CADPS2: variants seen among roughly 807,000 people sequenced by gnomAD.
The protein encoded by CADPS2 is calcium dependent secretion activator 2.
A neutral mutation model predicts 172.5 loss-of-function variants in CADPS2; 93 were observed. The ratio of observed to expected loss-of-function variants is 0.54; its 90% confidence interval spans 0.46 to 0.64. The LOEUF (loss-of-function observed/expected upper bound fraction) is 0.64, where lower values mean the gene tolerates loss of function less well. CADPS2 is among the 30% of genes least tolerant of loss of function. The pLI is 0.00. For missense variants in CADPS2, 1,420 were observed against 1,565.9 expected (o/e 0.91, Z 1.57); for synonymous variants, 546 against 555.2 (o/e 0.98, Z 0.23).
intron 27 of CADPS2, among the ~76,000 whole-genome samples, chr7:122,354,906 C>T (rs1480063399): frequency 6.6e-6 from 1 of 152,200 alleles, no homozygotes; most frequent in African/African-American, 2.4e-5. Flanking sequence ...TCAAACTATA[C>T]TGAAGGACAC....
At chr7:122,812,565 T>A (rs1169591713) in intron 1 of CADPS2, among the ~76,000 whole-genome samples, 1 of 152,116 alleles carries the variant, frequency 6.6e-6, no homozygotes, top group Non-Finnish European at 1.5e-5. Context: ...GGCTTGAATT[T>A]TATTTTCAAA....
chr7:122,715,833 AC>A (rs1039717751), intron 2 of CADPS2, among the ~76,000 whole-genome samples: 4 of 152,158 alleles, frequency 2.6e-5, no homozygotes, highest in Admixed American at 2.0e-4. Context: ...CCACCCTGAC[AC>A]TAGCAGAAAC....
intron 3 of CADPS2, among the ~76,000 whole-genome samples, chr7:122,629,711 TC>T (rs778295065): frequency 3.3e-5 from 5 of 152,100 alleles, no homozygotes; most frequent in Non-Finnish European, 2.9e-5. Context: ...TTAAAAAAAC[TC>T]CCTTTGCTTT....
At chr7:122,579,851 A>C (rs2068571705) in intron 7 of CADPS2, among the ~76,000 whole-genome samples, 1 of 152,102 alleles carries the variant, frequency 6.6e-6, no homozygotes, top group Admixed American at 6.6e-5. Flanking sequence ...AAAATGGAAG[A>C]GGAAATCTGG....
At chr7:122,693,517 C>T (rs919653291) in intron 2 of CADPS2, among the ~76,000 whole-genome samples, 10 of 152,298 alleles carry the variant, frequency 6.6e-5, no homozygotes, top group African/African-American at 2.4e-4. Context: ...CACTGGAATA[C>T]CCTGGGCAAC....
chr7:122,629,166 C>T, intron 4 of CADPS2, 82 bp downstream of exon 4: 1 of 1,005,512 alleles, frequency 9.9e-7, no homozygotes, highest in Non-Finnish European at 1.4e-6. Context: ...TTTTTTTTAA[C>T]CTATACAAAA....
chr7:122,362,785 G>T (rs2040340321), intron 25 of CADPS2, among the ~76,000 whole-genome samples: 2 of 152,144 alleles, frequency 1.3e-5, no homozygotes, highest in Admixed American at 1.3e-4. Context: ...TTGGTCTCTG[G>T]TGACCAGAGA....
chr7:122,449,161 A>G (rs1420785146), intron 15 of CADPS2, among the ~76,000 whole-genome samples: 1 of 152,216 alleles, frequency 6.6e-6, no homozygotes, highest in Non-Finnish European at 1.5e-5. Context: ...AATCATTGAT[A>G]TAATAATGGG....
chr7:122,534,230 G>A (rs147610248), intron 8 of CADPS2, among the ~76,000 whole-genome samples: 3 of 152,140 alleles, frequency 2.0e-5, no homozygotes, highest in Admixed American at 6.6e-5. Context: ...GAGGGATTTT[G>A]TTTCCTAATC....
intron 2 of CADPS2, chr7:122,699,210 A>C (rs1202739625): frequency 7.1e-6 from 2 of 280,244 alleles, no homozygotes; most frequent in Non-Finnish European, 1.3e-5. Flanking sequence ...ATTAGATAAG[A>C]GCTTAGAGCA....
chr7:122,437,764 A>T (rs1486591145), intron 17 of CADPS2, among the ~76,000 whole-genome samples: 1 of 151,902 alleles, frequency 6.6e-6, no homozygotes, highest in African/African-American at 2.4e-5. Context: ...TTATTTCTAA[A>T]CATTTAAAAA....
intron 2 of CADPS2, among the ~76,000 whole-genome samples, chr7:122,716,304 T>C (rs1007457086): frequency 3.3e-5 from 5 of 152,262 alleles, no homozygotes; most frequent in South Asian, 2.1e-4. Flanking sequence ...GCATATGTAC[T>C]ATGCTACATT....
At chr7:122,781,022 T>C (rs1792564896) in intron 1 of CADPS2, among the ~76,000 whole-genome samples, 1 of 152,200 alleles carries the variant, frequency 6.6e-6, no homozygotes, top group Non-Finnish European at 1.5e-5. Flanking sequence ...CAAAACACTT[T>C]GTAGAAAATC....
At chr7:122,495,984 G>T (rs2058702028) in intron 9 of CADPS2, among the ~76,000 whole-genome samples, 1 of 151,988 alleles carries the variant, frequency 6.6e-6, no homozygotes, top group African/African-American at 2.4e-5. Flanking sequence ...CCTCATTTTT[G>T]AATGTATCAT....
chr7:122,879,101 G>T (rs770354870), intron 1 of CADPS2, among the ~76,000 whole-genome samples: 1 of 151,692 alleles, frequency 6.6e-6, no homozygotes, highest in African/African-American at 2.4e-5. Flanking sequence ...GCTGGGCATG[G>T]TGGTGCACAC....
intron 1 of CADPS2, among the ~76,000 whole-genome samples, chr7:122,766,938 T>C (rs2138941768): frequency 6.6e-6 from 1 of 152,312 alleles, no homozygotes; most frequent in South Asian, 2.1e-4. Context: ...TAGTATCTAT[T>C]TGACAGGACT....
intron 8 of CADPS2, among the ~76,000 whole-genome samples, chr7:122,519,086 G>T (rs1163680351): frequency 6.6e-6 from 1 of 152,040 alleles, no homozygotes; most frequent in Non-Finnish European, 1.5e-5. Flanking sequence ...AATGGCCCTG[G>T]GTTGGGGCGG....
In CADPS2 at chr7:122,841,069, T is replaced by C. The variant is rs572749158; in HGVS notation, c.339+44930A>G. Among the ~76,000 whole-genome samples the C allele has an allele frequency of 2.6e-5, 4 of 152,238 alleles. No individual in the cohort carries two copies. The South Asian group carries it at 6.2e-4, about 24-fold the overall frequency. The stretch of plus-strand genomic sequence containing the variant: ...CAATATAAGAAATCACTCAAATAAA[T>C]GGAGGAAGAACATGTTTCCTTATGA... On this transcript the variant is annotated intron_variant, in intron 1 of 29. Transcript: ENST00000449022.
intron 1 of CADPS2, among the ~76,000 whole-genome samples, chr7:122,839,735 A>T (rs1433792788): frequency 6.6e-6 from 1 of 152,220 alleles, no homozygotes; most frequent in African/African-American, 2.4e-5. Flanking sequence ...ATGAGATACC[A>T]TCTCACACCA....
Sources: gnomAD v4.1 joint callset for allele counts (sites outside exome capture counted in the v4.1 genomes callset) on GRCh38, gnomAD v4.1.1 for gene constraint, MANE v1.5 for transcripts, NCBI Gene and HGNC (gene_info 2026-07-23, HGNC 2026-07-21) for gene names.